Variants in FAM227B observed in about 807,000 individuals in gnomAD.
The protein encoded by FAM227B is family with sequence similarity 227 member B.
A neutral mutation model predicts 73.8 loss-of-function variants in FAM227B; 88 were observed. The ratio of observed to expected loss-of-function variants is 1.19; its 90% CI spans 1.00 to 1.42. The LOEUF (loss-of-function observed/expected upper bound fraction) is 1.42. Ranked by LOEUF, FAM227B falls within the 40% of genes most tolerant of loss-of-function variation. FAM227B has a pLI of 0.00. For missense variants in FAM227B, 632 were observed against 590.9 expected (o/e 1.07, Z -0.72); for synonymous variants, 210 against 190.5 (o/e 1.10, Z -0.84).
At chr15:49,396,880 A>T (rs2047708588) in intron 11 of FAM227B, among the ~76,000 whole-genome samples, 1 of 152,180 alleles carries the variant, frequency 6.6e-6, no homozygotes, top group African/African-American at 2.4e-5. Context: ...AAGTAGATAA[A>T]ACCACAAAGA....
intron 11 of FAM227B, among the ~76,000 whole-genome samples, chr15:49,501,995 C>T (rs1309432180): frequency 6.6e-6 from 1 of 152,212 alleles, no homozygotes; most frequent in East Asian, 1.9e-4. Context: ...TTGGCAGCTT[C>T]CTCATGGTGT....
intron 12 of FAM227B, among the ~76,000 whole-genome samples, chr15:49,368,464 C>CA (rs2045533201): frequency 6.6e-6 from 1 of 151,878 alleles, no homozygotes; most frequent in African/African-American, 2.4e-5. Flanking sequence ...TAGGTTTTTG[C>CA]AAAAAATATG....
intron 9 of FAM227B, among the ~76,000 whole-genome samples, chr15:49,555,136 T>C (rs983989798): frequency 1.3e-5 from 2 of 152,228 alleles, no homozygotes; most frequent in Admixed American, 1.3e-4. Context: ...TAGCTGGTTA[T>C]TATGCAGACT....
intron 11 of FAM227B, among the ~76,000 whole-genome samples, chr15:49,400,801 C>T (rs1188661768): frequency 1.5e-4 from 23 of 150,876 alleles, no homozygotes; most frequent in Non-Finnish European, 2.8e-4. Context: ...TAGCCATATG[C>T]AGAAAGCTGA....
intron 5 of FAM227B, among the ~76,000 whole-genome samples, chr15:49,587,456 C>A (rs886819553): frequency 6.6e-6 from 1 of 152,002 alleles, no homozygotes; most frequent in African/African-American, 2.4e-5. Context: ...ATATAACAAA[C>A]CTGCACATGT....
intron 13 of FAM227B, among the ~76,000 whole-genome samples, chr15:49,355,100 C>T (rs1454084801): frequency 3.3e-4 from 49 of 150,314 alleles, no homozygotes; most frequent in Non-Finnish European, 5.5e-4. Flanking sequence ...ACATCACCAT[C>T]ATCAAAGACC....
chr15:49,503,416 T>C (rs1197028047), intron 11 of FAM227B, among the ~76,000 whole-genome samples: 1 of 152,202 alleles, frequency 6.6e-6, no homozygotes, highest in African/African-American at 2.4e-5. Flanking sequence ...AAAGCCAGAA[T>C]TGACAATTGA....
At chr15:49,611,796 A>G (rs1287863587) in intron 2 of FAM227B, among the ~76,000 whole-genome samples, 1 of 152,170 alleles carries the variant, frequency 6.6e-6, no homozygotes, top group Non-Finnish European at 1.5e-5. Context: ...CCAGACCACA[A>G]CTTTCTCCTT....
chr15:49,349,684 A>C (rs1318757221), intron 13 of FAM227B, among the ~76,000 whole-genome samples: 3 of 152,134 alleles, frequency 2.0e-5, no homozygotes, highest in Non-Finnish European at 2.9e-5. Flanking sequence ...TAACTGTAAA[A>C]AGGCAATTGC....
intron 11 of FAM227B, among the ~76,000 whole-genome samples, chr15:49,474,022 A>G (rs1245840542): frequency 6.6e-6 from 1 of 152,150 alleles, no homozygotes; most frequent in East Asian, 1.9e-4. Context: ...TGAAAAATAT[A>G]CTAACCTAAA....
chr15:49,419,741 C>T (rs1350938164), intron 11 of FAM227B, among the ~76,000 whole-genome samples: 1 of 152,082 alleles, frequency 6.6e-6, no homozygotes. Context: ...ACCTGTGTTT[C>T]ACTGTGAAAA....
At chr15:49,518,046 A>C (rs2059503084) in intron 10 of FAM227B, among the ~76,000 whole-genome samples, 1 of 152,058 alleles carries the variant, frequency 6.6e-6, no homozygotes, top group South Asian at 2.1e-4. Context: ...ACTGATGGGC[A>C]TTTTTACAGT....
At chr15:49,428,331 T>C (rs778653484) in intron 11 of FAM227B, among the ~76,000 whole-genome samples, 2 of 151,942 alleles carry the variant, frequency 1.3e-5, no homozygotes, top group Non-Finnish European at 2.9e-5. Context: ...ACTAAAAGCA[T>C]AAAATGTCCC....
chr15:49,574,821 T>A, intron 8 of FAM227B, 190 bp downstream of exon 8: 1 of 342,852 alleles, frequency 2.9e-6, no homozygotes, highest in Non-Finnish European at 5.3e-6. Flanking sequence ...TCTTTTGAAA[T>A]CTATATTAAA....
chr15:49,479,345 G>A lies in FAM227B; in HGVS notation c.1012+28866C>T, dbSNP rs538327613. 2.1e-3 allele frequency among the ~76,000 whole-genome samples: 316 copies of A among 151,942 alleles called. 1 individual carries two copies. Among genetic ancestry groups the A allele is most frequent in the Middle Eastern group, 0.01 (3 of 292 alleles). The stretch of plus-strand genomic sequence containing the variant: ...CTATGTAATATGCTTTAAATCTTTG[G>A]AAATAAATTTACTGGGTACTACTTA... On this transcript the variant is annotated intron_variant, in intron 11 of 15. Transcript: ENST00000299338.
intron 2 of FAM227B, among the ~76,000 whole-genome samples, chr15:49,612,486 A>T (rs2078006182): frequency 6.6e-6 from 1 of 152,166 alleles, no homozygotes; most frequent in Non-Finnish European, 1.5e-5. Context: ...AATTTTCTAA[A>T]TTTCACACAG....
chr15:49,358,890 A>C (rs1296422267), intron 13 of FAM227B, among the ~76,000 whole-genome samples: 3 of 148,926 alleles, frequency 2.0e-5, no homozygotes, highest in African/African-American at 7.4e-5. Context: ...CAAAACAGAG[A>C]TATAGATCAA....
intron 15 of FAM227B, chr15:49,329,508 G>C: frequency 2.0e-6 from 2 of 985,310 alleles, no homozygotes; most frequent in South Asian, 4.7e-5. Context: ...TTCAGTTTAA[G>C]GGAGGCCTGC....
chr15:49,436,852 CA>C (rs1481611410), intron 11 of FAM227B, among the ~76,000 whole-genome samples: 3 of 151,542 alleles, frequency 2.0e-5, no homozygotes, highest in Non-Finnish European at 4.4e-5. Context: ...GGATAATTTG[CA>C]TCTGAAGAAA....
Sources: allele counts gnomAD v4.1 joint callset (sites outside exome capture counted in the v4.1 genomes callset), GRCh38; gene constraint gnomAD v4.1.1; transcripts MANE v1.5; gene names NCBI Gene and HGNC (gene_info 2026-07-23, HGNC 2026-07-21).